BTBD9: variants seen among roughly 807,000 people sequenced by gnomAD.
BTBD9 encodes BTB/POZ domain-containing protein 9.
In BTBD9, 49 loss-of-function variants were observed where a neutral mutation model predicts 64.3. That is an observed-to-expected ratio of 0.76 (90% CI 0.61 to 0.97). The LOEUF is 0.97. Ranked by LOEUF, BTBD9 falls within the 50% of genes least tolerant of loss-of-function variation. The probability of loss-of-function intolerance (pLI) is 0.00; values close to 1 mark genes in which losing one functional copy is unlikely to be tolerated. For synonymous variants in BTBD9, 260 were observed against 274.7 expected, an observed-to-expected ratio of 0.95 and a Z score of 0.53; for missense variants, 598 against 762.1, an observed-to-expected ratio of 0.78 and a Z score of 2.53.
chr6:38,426,603 C>A (rs970266020), intron 6 of BTBD9, among the ~76,000 whole-genome samples: 2 of 151,876 alleles, frequency 1.3e-5, no homozygotes, highest in African/African-American at 4.9e-5. Flanking sequence ...GTCCGCTGTG[C>A]TCCTGATCCA....
chr6:38,197,723 C>A (rs1377609197), intron 9 of BTBD9, among the ~76,000 whole-genome samples: 2 of 152,094 alleles, frequency 1.3e-5, no homozygotes, highest in Non-Finnish European at 2.9e-5. Context: ...ATATGGCAAA[C>A]TGGAAAGAAA....
At chr6:38,617,329 T>G (rs1777825640) in intron 1 of BTBD9, among the ~76,000 whole-genome samples, 1 of 152,124 alleles carries the variant, frequency 6.6e-6, no homozygotes, top group Non-Finnish European at 1.5e-5. Flanking sequence ...TGCCCATCTA[T>G]TCTATCTATC....
rs199644091 is a variant in BTBD9, at chr6:38,210,578, C to G, written c.1563-17981G>C. On this transcript the variant is annotated intron_variant, in intron 9 of 10. Transcript: ENST00000481247. ...TGTGTGTGTGTGTGTGTGTGTGTGTCTGCATCTGGGCAAGAGTTTTTGTGT... is the reference window on the plus strand; with the variant it reads ...TGTGTGTGTGTGTGTGTGTGTGTGTGTGCATCTGGGCAAGAGTTTTTGTGT... Among the ~76,000 whole-genome samples, 36 of 116,808 alleles carry G rather than the reference C, an allele frequency of 3.1e-4. No homozygotes were observed. In the East Asian group the frequency reaches 4.0e-3, roughly 13 times the overall value. The allele number at this position is 116,808 out of a possible 152,430, so 76.6% of individuals were successfully genotyped here. A position where few individuals can be genotyped will look rare whatever the true frequency, so the allele number is the denominator to read the frequency against.
rs1024730441 is a variant in BTBD9 at position 38,448,715 on chromosome 6, G to A, written c.1155-103622C>T. On this transcript the variant is annotated intron_variant, in intron 6 of 10. Coordinates refer to ENST00000481247, the MANE Select transcript of BTBD9 (RefSeq NM_001099272.2). ...GTACTTTTAGTAGAGACGGGGTTTT[G>A]CCATGTTGGCCAGGTTGGTTTCCAA... is the stretch of plus-strand genomic sequence containing the variant. Among the ~76,000 whole-genome samples, 5 of 152,210 alleles carry A rather than the reference G, an allele frequency of 3.3e-5. No individual in the cohort carries two copies. The East Asian group carries it at 9.7e-4, about 29-fold the overall frequency.
chr6:38,382,956 CCAAA>C (rs1766001751), intron 6 of BTBD9, among the ~76,000 whole-genome samples: 1 of 152,052 alleles, frequency 6.6e-6, no homozygotes, highest in Non-Finnish European at 1.5e-5. Context: ...GTGAATTCTA[CCAAA>C]CATTCAAGAA....
At chr6:38,181,754 G>A (rs1761563712) in intron 10 of BTBD9, among the ~76,000 whole-genome samples, 1 of 152,154 alleles carries the variant, frequency 6.6e-6, no homozygotes, top group South Asian at 2.1e-4. Context: ...TTGGGAGGCT[G>A]AGAGAGGCGG....
intron 6 of BTBD9, among the ~76,000 whole-genome samples, chr6:38,470,659 G>A (rs980490960): frequency 1.3e-5 from 2 of 152,230 alleles, no homozygotes; most frequent in Non-Finnish European, 2.9e-5. Context: ...CAACCAACAA[G>A]AGAAGAACTG....
chr6:38,637,376 C>T (rs141379814), intron 1 of BTBD9, among the ~76,000 whole-genome samples: 2 of 152,286 alleles, frequency 1.3e-5, no homozygotes, highest in Admixed American at 6.5e-5. Flanking sequence ...GTTAGCAATT[C>T]AACTTCAGGT....
intron 9 of BTBD9, among the ~76,000 whole-genome samples, chr6:38,219,727 C>T (rs886220804): frequency 6.6e-6 from 1 of 152,192 alleles, no homozygotes; most frequent in African/African-American, 2.4e-5. Flanking sequence ...AAAGCAGATA[C>T]TGTTGGCTGG....
At chr6:38,623,117 C>T (rs1405638236) in intron 1 of BTBD9, among the ~76,000 whole-genome samples, 1 of 152,166 alleles carries the variant, frequency 6.6e-6, no homozygotes, top group African/African-American at 2.4e-5. Context: ...CAAACTCACA[C>T]ACCTTTTTAA....
At chr6:38,425,106 G>A (rs1012724685) in intron 6 of BTBD9, among the ~76,000 whole-genome samples, 7 of 131,690 alleles carry the variant, frequency 5.3e-5, no homozygotes, top group African/African-American at 2.0e-4. Flanking sequence ...GTGAGCCACC[G>A]TGCCCGGCCT....
chr6:38,259,289 A>T (rs1043767756), intron 8 of BTBD9, among the ~76,000 whole-genome samples: 6 of 152,198 alleles, frequency 3.9e-5, no homozygotes, highest in African/African-American at 1.4e-4. Flanking sequence ...TAATCTTATG[A>T]TTATAATCAG....
chr6:38,563,648 T>C (rs1478496322), intron 6 of BTBD9, among the ~76,000 whole-genome samples: 2 of 152,090 alleles, frequency 1.3e-5, no homozygotes, highest in Non-Finnish European at 2.9e-5. Context: ...TTTCCTCCTC[T>C]ACCTCGCTGC....
At chr6:38,193,954 C>T (rs769082569) in intron 9 of BTBD9, 29 of 912,054 alleles carry the variant, frequency 3.2e-5, no homozygotes, top group Non-Finnish European at 6.6e-6. Context: ...AAGTCTGTGC[C>T]CCTGAAACCA....
At chr6:38,212,117 G>T (rs1762854173) in intron 9 of BTBD9, among the ~76,000 whole-genome samples, 3 of 152,204 alleles carry the variant, frequency 2.0e-5, no homozygotes, top group Non-Finnish European at 2.9e-5. Context: ...CCTTGGTGAT[G>T]TTAAAGAGGG....
chr6:38,356,812 A>G (rs1764744545), intron 6 of BTBD9, among the ~76,000 whole-genome samples: 1 of 152,306 alleles, frequency 6.6e-6, no homozygotes, highest in East Asian at 1.9e-4. Flanking sequence ...CCCTCTCAAG[A>G]TGATCAGATT....
At chr6:38,284,672 G>A (rs1278420699) in intron 8 of BTBD9, among the ~76,000 whole-genome samples, 1 of 152,134 alleles carries the variant, frequency 6.6e-6, no homozygotes, top group East Asian at 1.9e-4. Context: ...GCTGGGAGGA[G>A]GCAGCAAGTG....
chr6:38,389,414 C>G (rs1205712155), intron 6 of BTBD9, among the ~76,000 whole-genome samples: 1 of 152,228 alleles, frequency 6.6e-6, no homozygotes, highest in Non-Finnish European at 1.5e-5. Flanking sequence ...AATACTCTCT[C>G]TTTAACCCTT....
At chr6:38,536,844 T>C (rs1490371777) in intron 6 of BTBD9, among the ~76,000 whole-genome samples, 1 of 151,878 alleles carries the variant, frequency 6.6e-6, no homozygotes, top group Non-Finnish European at 1.5e-5. Context: ...TGGAGGAAAG[T>C]GGGGATGCTT....
Sources: gnomAD v4.1 joint callset for allele counts (sites outside exome capture counted in the v4.1 genomes callset) on GRCh38, gnomAD v4.1.1 for gene constraint, MANE v1.5 for transcripts, NCBI Gene and HGNC (gene_info 2026-07-23, HGNC 2026-07-21) for gene names.